Variants in ITGA6 observed in about 807,000 individuals in gnomAD.
ITGA6 encodes integrin subunit alpha 6.
Under a neutral mutation model 133.6 loss-of-function variants are expected in ITGA6, and 63 were observed. That is an observed-to-expected ratio of 0.47 (90% CI 0.38 to 0.58). ITGA6 has a LOEUF of 0.58. Ranked by LOEUF, ITGA6 falls within the 20% of genes least tolerant of loss-of-function variation. The pLI, the probability that ITGA6 is intolerant of heterozygous loss-of-function variation, is 0.00. For missense variants in ITGA6, 1,068 were observed against 1,309.4 expected (o/e 0.82, Z 2.85); for synonymous variants, 434 against 482.0 (o/e 0.90, Z 1.30).
rs765020821 is a variant in ITGA6, at chr2:172,489,597, C to T, written c.2618C>T (p.Ser873Phe). The change falls in exon 20 of 26, where the codon TCC becomes TTC. Residue 873 changes from serine to phenylalanine, a missense_variant. Physicochemically the swap from Ser to Phe is radical, Grantham distance 155. Around this residue, in one of 3 missense-constraint regions of ITGA6, gnomAD observed 609 missense variants for 707.2 expected, o/e 0.86. Coordinates refer to ENST00000684293, the MANE Select transcript of ITGA6 (RefSeq NM_000210.4). ...KWLLYLVKVE[S>F]KGLEKVTCEP... ...TTGCTTTATTTGGTGAAAGTAGAATCCAAAGGATTGGAAAAGGTAACTTGT... is the reference window on the plus strand; with the variant it reads ...TTGCTTTATTTGGTGAAAGTAGAATTCAAAGGATTGGAAAAGGTAACTTGT... The T allele has an allele frequency of 1.2e-6, 2 of 1,613,980 alleles. No individual in the cohort carries two copies. The highest frequency in any genetic ancestry group is 8.5e-7 in the Non-Finnish European group (1 of 1,179,908).
chr2:172,482,168 A>G (rs1164815785), intron 11 of ITGA6, among the ~76,000 whole-genome samples: 1 of 152,212 alleles, frequency 6.6e-6, no homozygotes, highest in Non-Finnish European at 1.5e-5. Flanking sequence ...ATTTGATGCC[A>G]TGTGTATTAC....
intron 5 of ITGA6, 62 bp downstream of exon 5, chr2:172,471,167 C>G (rs55826001): frequency 5.1e-5 from 82 of 1,593,210 alleles, no homozygotes; most frequent in Non-Finnish European, 7.1e-5. Context: ...GTGAAACTCC[C>G]TCGCAGGGCC....
chr2:172,445,652 T>A (rs4993281), intron 1 of ITGA6, among the ~76,000 whole-genome samples: 19,968 of 137,910 alleles, frequency 0.14, 2,171 homozygotes, highest in East Asian at 0.55. Context: ...CCGTCTTTTT[T>A]AAAAAAAAAA....
chr2:172,478,596 G>C (rs1574385023), intron 9 of ITGA6, among the ~76,000 whole-genome samples: 1 of 152,356 alleles, frequency 6.6e-6, no homozygotes, highest in East Asian at 1.9e-4. Context: ...GAGCAGGGCA[G>C]CCAAAACATA....
intron 1 of ITGA6, among the ~76,000 whole-genome samples, chr2:172,438,430 A>G (rs544342883): frequency 1.3e-5 from 2 of 151,958 alleles, no homozygotes; most frequent in African/African-American, 2.4e-5. Context: ...GTGAATAATA[A>G]TAAGTCATTA....
chr2:172,483,619 G>GT (rs1452522831), intron 11 of ITGA6, among the ~76,000 whole-genome samples: 1 of 151,928 alleles, frequency 6.6e-6, no homozygotes, highest in Non-Finnish European at 1.5e-5. Flanking sequence ...GCGTTCTGAA[G>GT]TAAAAAAATG....
At chr2:172,449,869 C>T (rs553206683) in intron 1 of ITGA6, among the ~76,000 whole-genome samples, 40 of 138,546 alleles carry the variant, frequency 2.9e-4, no homozygotes, top group South Asian at 1.8e-3. Context: ...TGTAGTGAGC[C>T]GAAATCATGC....
At chr2:172,453,512 C>T (rs1685091845) in intron 1 of ITGA6, among the ~76,000 whole-genome samples, 1 of 152,130 alleles carries the variant, frequency 6.6e-6, no homozygotes, top group Non-Finnish European at 1.5e-5. Context: ...CAGAGCAAAA[C>T]CCTGTCTCAG....
At chr2:172,498,592 C>T (rs1574417534) in intron 24 of ITGA6, among the ~76,000 whole-genome samples, 2 of 152,252 alleles carry the variant, frequency 1.3e-5, no homozygotes, top group African/African-American at 4.8e-5. Flanking sequence ...GTCACTATAG[C>T]GTGTATCAAA....
chr2:172,488,337 T>A, intron 19 of ITGA6, 109 bp downstream of exon 19: 2 of 790,258 alleles, frequency 2.5e-6, no homozygotes, highest in South Asian at 3.0e-5. Context: ...GCATTGTAAG[T>A]AAATCATGAG....
In ITGA6 at chr2:172,454,091, GTT is replaced by G. The variant is rs35793204; in HGVS notation, c.183-11437_183-11436del. 5.6e-5 allele frequency among the ~76,000 whole-genome samples: 8 copies of G among 143,050 alleles called. No homozygotes were observed. The East Asian group carries it at 6.3e-4, about 11-fold the overall frequency. The allele number at this position is 143,050 out of a possible 152,430, so 93.8% of individuals were successfully genotyped here. A position where few individuals can be genotyped will look rare whatever the true frequency, so the allele number is the denominator to read the frequency against. The stretch of plus-strand genomic sequence containing the variant: ...GGAAGTTTTTTTTTTGTTTTGTTTT[GTT>G]TTTTTTTTTTGAGATGGAGTCTCAC... On this transcript the variant is annotated intron_variant, in intron 1 of 25. Coordinates refer to ENST00000684293, the MANE Select transcript of ITGA6 (RefSeq NM_000210.4).
In ITGA6 at chr2:172,470,973, G is replaced by A. The variant is rs778972418; in HGVS notation, c.644-1G>A. 1 of 1,613,658 alleles carries A rather than the reference G, an allele frequency of 6.2e-7. No homozygotes were observed. Reference sequence around the variant, plus strand: ...TTGTTTTTACCATTTCATTCCTTTAGGGATTGTTCGTGTAGAGCAAAAGAA... The same window carrying A: ...TTGTTTTTACCATTTCATTCCTTTAAGGATTGTTCGTGTAGAGCAAAAGAA... On this transcript the variant is annotated splice_acceptor_variant, in intron 4 of 25. Coordinates refer to ENST00000684293, the MANE Select transcript of ITGA6 (RefSeq NM_000210.4). LOFTEE classifies it high-confidence loss of function.
chr2:172,477,380 G>C (rs1686223409), intron 9 of ITGA6, among the ~76,000 whole-genome samples: 2 of 151,858 alleles, frequency 1.3e-5, no homozygotes, highest in Non-Finnish European at 2.9e-5. Context: ...TTTTCAAAAA[G>C]TAGCAGATTT....
At chr2:172,428,087 G>C (rs889762286) in intron 1 of ITGA6, 117 bp downstream of exon 1, 1 of 1,063,392 alleles carries the variant, frequency 9.4e-7, no homozygotes, top group Admixed American at 4.5e-5. Flanking sequence ...GGTCGCGCCC[G>C]GGCCGGCCGA....
At chr2:172,465,339 TCC>T in intron 1 of ITGA6, 198 bp from the exon 2 acceptor site, 1 of 651,954 alleles carries the variant, frequency 1.5e-6, no homozygotes, top group Admixed American at 2.4e-5. Context: ...CTCTTTGGCT[TCC>T]CCTGTTTAGT....
At position 172,489,550 on chromosome 2, in the gene ITGA6, A is replaced by C. The variant is rs1686834485; in HGVS notation, c.2571A>C (p.Lys857Asn). 1 of 1,613,986 alleles carries C rather than the reference A, an allele frequency of 6.2e-7. No homozygotes were observed. Among genetic ancestry groups the C allele is most frequent in the Admixed American group, 1.7e-5 (1 of 60,008 alleles). ...GTATLNIQWPKEISNGKWLLY... is the reference protein window; with the variant it reads ...GTATLNIQWPNEISNGKWLLY... ...CAACCTTGAACATTCAGTGGCCAAA[A>C]GAAATTAGCAATGGGAAATGGTTGC... The change falls in exon 20 of 26, where the codon AAA (lysine) becomes AAC (asparagine). Residue 857 changes from lysine (K) to asparagine (N), a missense_variant. Coordinates refer to ENST00000684293, the MANE Select transcript of ITGA6 (RefSeq NM_000210.4).
In ITGA6 at chr2:172,480,499, C is replaced by T. The variant is rs572016315; in HGVS notation, c.1549+448C>T. Among the ~76,000 whole-genome samples the T allele has an allele frequency of 1.4e-4, 22 of 152,244 alleles. No individual in the cohort carries two copies. The South Asian group carries it at 3.7e-3, about 26-fold the overall frequency. On this transcript the variant is annotated intron_variant, in intron 11 of 25. Coordinates refer to ENST00000684293, the MANE Select transcript of ITGA6 (RefSeq NM_000210.4). Reference sequence around the variant, plus strand: ...CTGCCAGGCTGCCTTCTCTTCCCCACGCCCCTCCCTCCCGGAACACCCGCC... The same window carrying T: ...CTGCCAGGCTGCCTTCTCTTCCCCATGCCCCTCCCTCCCGGAACACCCGCC...
chr2:172,494,972 GAAC>G (rs1219029862), intron 23 of ITGA6, among the ~76,000 whole-genome samples: 6 of 152,130 alleles, frequency 3.9e-5, no homozygotes, highest in African/African-American at 1.4e-4. Flanking sequence ...AAAATTCAGA[GAAC>G]AACTTAAGAT....
At chr2:172,427,997 C>T (rs548107179) in intron 1 of ITGA6, 27 bp downstream of exon 1, 10 of 1,588,246 alleles carry the variant, frequency 6.3e-6, no homozygotes, top group Middle Eastern at 1.7e-4. Flanking sequence ...TTCCCACCCC[C>T]ACTGGGGCGC....
Sources: allele counts gnomAD v4.1 joint callset (sites outside exome capture counted in the v4.1 genomes callset), GRCh38; gene constraint gnomAD v4.1.1; regional missense constraint gnomAD v4.1.1; transcripts MANE v1.5; gene names NCBI Gene and HGNC (gene_info 2026-07-23, HGNC 2026-07-21).